PKP2: variants seen among roughly 807,000 people sequenced by gnomAD.
PKP2 encodes plakophilin 2, also known as plakophilin-2.
PKP2 carries 73 observed loss-of-function variants against 83.4 expected under a neutral mutation model. The observed-to-expected ratio is 0.88, with a 90% CI of 0.72 to 1.06. PKP2 has a LOEUF of 1.06. Among genes scored for constraint, PKP2 ranks in the 50% least tolerant of loss-of-function variants. The probability of loss-of-function intolerance (pLI) is 0.00; values close to 1 mark genes in which losing one functional copy is unlikely to be tolerated. For missense variants in PKP2, 966 were observed against 1,065.4 expected (o/e 0.91, Z 1.30); for synonymous variants, 409 against 430.4 (o/e 0.95, Z 0.62).
chr12:32,875,490 C>G (rs1447035841), intron 3 of PKP2, among the ~76,000 whole-genome samples: 1 of 152,046 alleles, frequency 6.6e-6, no homozygotes, highest in Non-Finnish European at 1.5e-5. Context: ...GGAGAAGAGG[C>G]TGAAGTGATA....
chr12:32,852,950 G>C (rs943401627), intron 4 of PKP2, among the ~76,000 whole-genome samples: 4 of 152,142 alleles, frequency 2.6e-5, no homozygotes, highest in East Asian at 3.9e-4. Context: ...CAGGCATGGT[G>C]GTGGGTGCCT....
intron 10 of PKP2, among the ~76,000 whole-genome samples, chr12:32,799,292 T>G (rs1282192670): frequency 6.6e-6 from 1 of 152,220 alleles, no homozygotes; most frequent in Non-Finnish European, 1.5e-5. Context: ...TAATAGATGT[T>G]GGCATGGATA....
At chr12:32,888,594 A>G (rs1957051451) in intron 1 of PKP2, among the ~76,000 whole-genome samples, 1 of 150,748 alleles carries the variant, frequency 6.6e-6, no homozygotes, top group African/African-American at 2.4e-5. Context: ...GGTTCAAGTG[A>G]TTCTCCTGCC....
At chr12:32,892,690 A>G (rs1957084331) in intron 1 of PKP2, among the ~76,000 whole-genome samples, 1 of 151,724 alleles carries the variant, frequency 6.6e-6, no homozygotes, top group South Asian at 2.1e-4. Context: ...GTGTGCCTCA[A>G]GTTTTGTGGT....
intron 6 of PKP2, among the ~76,000 whole-genome samples, chr12:32,839,043 A>G (rs1247498539): frequency 2.0e-5 from 3 of 152,212 alleles, no homozygotes; most frequent in African/African-American, 7.2e-5. Flanking sequence ...TGAAAGTACT[A>G]TGACATCTAA....
At chr12:32,792,592 CATT>C in intron 12 of PKP2, 49 bp downstream of exon 12, 1 of 1,555,852 alleles carries the variant, frequency 6.4e-7, no homozygotes. Context: ...TCAAGTGGGC[CATT>C]ATTACCTGGC....
At chr12:32,886,629 G>A (rs1043623861) in intron 1 of PKP2, among the ~76,000 whole-genome samples, 1 of 152,128 alleles carries the variant, frequency 6.6e-6, no homozygotes, top group Non-Finnish European at 1.5e-5. Context: ...ACCAGATATT[G>A]ATGGAAATCA....
intron 4 of PKP2, among the ~76,000 whole-genome samples, chr12:32,858,134 T>TTATATA (rs1189818316): frequency 1.9e-4 from 18 of 93,726 alleles, no homozygotes; most frequent in African/African-American, 8.2e-4. Flanking sequence ...TATTTTATAT[T>TTATATA]TATATATATA....
At chr12:32,797,439 C>A (rs558810899) in intron 10 of PKP2, among the ~76,000 whole-genome samples, 1 of 6,484 alleles carries the variant, frequency 1.5e-4, no homozygotes. Context: ...GAGAGAGACC[C>A]TGTCTCAAAA....
chr12:32,840,020 C>T (rs1164808437), intron 6 of PKP2, among the ~76,000 whole-genome samples: 6 of 152,314 alleles, frequency 3.9e-5, no homozygotes, highest in African/African-American at 1.2e-4. Context: ...TCTGCATTCC[C>T]GCAGCACTTC....
At chr12:32,815,540 T>C (rs1369428186) in intron 9 of PKP2, among the ~76,000 whole-genome samples, 2 of 152,200 alleles carry the variant, frequency 1.3e-5, no homozygotes, top group African/African-American at 2.4e-5. Flanking sequence ...CTATCAAGTT[T>C]CCCTGAAGAT....
intron 1 of PKP2, among the ~76,000 whole-genome samples, chr12:32,880,732 G>T (rs960500204): frequency 6.6e-6 from 1 of 152,018 alleles, no homozygotes; most frequent in Non-Finnish European, 1.5e-5. Context: ...AGGGGGGAGT[G>T]GTGGAAAGCA....
intron 4 of PKP2, among the ~76,000 whole-genome samples, chr12:32,854,033 T>C (rs967607328): frequency 1.3e-5 from 2 of 152,210 alleles, no homozygotes; most frequent in African/African-American, 4.8e-5. Context: ...AGTAGCAGTA[T>C]ATATATCAGA....
chr12:32,801,216 A>C (rs1375983338), intron 10 of PKP2, among the ~76,000 whole-genome samples: 1 of 152,210 alleles, frequency 6.6e-6, no homozygotes, highest in Non-Finnish European at 1.5e-5. Context: ...GCAGAACCTG[A>C]GGCCAACAGC....
rs1335415987 is a variant in PKP2, at chr12:32,850,900, A to C, written c.1244T>G (p.Val415Gly). The C allele has an allele frequency of 3.7e-6, 6 of 1,613,982 alleles. No individual in the cohort carries two copies. The highest frequency in any genetic ancestry group is 1.7e-5 in the Admixed American group (1 of 59,988). ...TACTAAGTTTCTCAAGGCCCCACACACAGCTCGCTGAACGTCTTCATTCTG... is the reference window on the plus strand; with the variant it reads ...TACTAAGTTTCTCAAGGCCCCACACCCAGCTCGCTGAACGTCTTCATTCTG... ...KVQNEDVQRAVCGALRNLVFE... is the reference protein window; with the variant it reads ...KVQNEDVQRAGCGALRNLVFE... The change falls in exon 5 of 13, where the codon GTG (valine) becomes GGG (glycine). Residue 415 changes from valine to glycine, a missense_variant. Transcript: ENST00000340811.
At position 32,824,135 on chromosome 12, in the gene PKP2, C is replaced by T; in HGVS notation, c.1584G>A (p.Gly528=). 6.2e-7 allele frequency: 1 copy of T among 1,612,726 alleles called. No individual in the cohort carries two copies. The highest frequency in any genetic ancestry group is 8.5e-7 in the Non-Finnish European group (1 of 1,179,034). The change falls in exon 7 of 13, where the codon GGG becomes GGA. Residue 528 remains glycine, a synonymous_variant. Transcript: ENST00000340811. ...LRNMSSAGAD[G]RKAMRRCDGL... ...CGTCACATCTTCTCATCGCTTTTCT[C>T]CCATCAGCGCCAGCAGAACTCATGT...
chr12:32,824,175 A>G lies in PKP2; in HGVS notation c.1557-13T>C. 1.3e-6 allele frequency: 2 copies of G among 1,548,302 alleles called. No homozygotes were observed. The highest frequency in any genetic ancestry group is 1.1e-5 in the South Asian group (1 of 89,772). On this transcript the variant is annotated splice_polypyrimidine_tract_variant and intron_variant, in intron 6 of 12. Transcript: ENST00000340811. ...AGAACTCATGTTTCTATCAGAAAAA[A>G]CAAAAAACAAAAAAGTAAGTCTAGG...
Position 32,883,152 on chromosome 12 carries a change from A to G in PKP2, c.224-4120T>C, listed in dbSNP as rs1436687569. Among the ~76,000 whole-genome samples the G allele has an allele frequency of 2.6e-5, 4 of 152,216 alleles. 1 individual carries two copies. The highest frequency in any genetic ancestry group is 5.9e-5 in the Non-Finnish European group (4 of 68,032). ...AGTAGTTGGAAACAGGGAAAAAAAT[A>G]AGATTGAATTTTTAAATCACAGACA... is the stretch of plus-strand genomic sequence containing the variant. On this transcript the variant is annotated intron_variant, in intron 1 of 12. Transcript: ENST00000340811.
At chr12:32,893,043 T>A (rs897989067) in intron 1 of PKP2, among the ~76,000 whole-genome samples, 7 of 152,160 alleles carry the variant, frequency 4.6e-5, no homozygotes, top group African/African-American at 1.7e-4. Context: ...CTTTAAAATG[T>A]TCAGCACAGT....
Sources: allele counts gnomAD v4.1 joint callset (sites outside exome capture counted in the v4.1 genomes callset), GRCh38; gene constraint gnomAD v4.1.1; transcripts MANE v1.5; gene names NCBI Gene and HGNC (gene_info 2026-07-23, HGNC 2026-07-21).